The following GALNT17 variants were observed in gnomAD, a reference collection of about 807,000 sequenced individuals.
GALNT17 encodes the protein UDP-GalNAc:polypeptide N-acetylgalactosaminyltransferase-like 3.
Under a neutral mutation model 63.7 loss-of-function variants are expected in GALNT17, and 29 were observed. That is an observed-to-expected ratio of 0.46 (90% CI 0.34 to 0.62). The LOEUF (loss-of-function observed/expected upper bound fraction) is 0.62. Among genes scored for constraint, GALNT17 ranks in the 20% least tolerant of loss-of-function variants. GALNT17 has a pLI of 0.01. For missense variants in GALNT17, 603 were observed against 799.6 expected (o/e 0.75, Z 2.97); for synonymous variants, 305 against 318.3 (o/e 0.96, Z 0.45).
At chr7:71,225,790 AATTG>A (rs1429545467) in intron 1 of GALNT17, among the ~76,000 whole-genome samples, 3 of 152,218 alleles carry the variant, frequency 2.0e-5, no homozygotes, top group Admixed American at 1.3e-4. Flanking sequence ...AATAATGGGC[AATTG>A]ATTAAGTAAA....
intron 9 of GALNT17, among the ~76,000 whole-genome samples, chr7:71,682,630 G>A (rs938456784): frequency 6.6e-6 from 1 of 152,008 alleles, no homozygotes; most frequent in Non-Finnish European, 1.5e-5. Context: ...CTGCAGCCTT[G>A]ACCTCCTAGG....
At chr7:71,591,959 T>C (rs1264968269) in intron 6 of GALNT17, among the ~76,000 whole-genome samples, 1 of 152,222 alleles carries the variant, frequency 6.6e-6, no homozygotes, top group Non-Finnish European at 1.5e-5. Context: ...CACAGCACCC[T>C]GCCGAAATGT....
intron 1 of GALNT17, among the ~76,000 whole-genome samples, chr7:71,331,922 C>G (rs1426372327): frequency 2.0e-5 from 3 of 152,106 alleles, no homozygotes; most frequent in Admixed American, 2.0e-4. Context: ...GGGGTCAGTC[C>G]TTGTGCTGTT....
chr7:71,370,896 G>C (rs532902301), intron 2 of GALNT17, among the ~76,000 whole-genome samples: 26 of 151,470 alleles, frequency 1.7e-4, no homozygotes, highest in African/African-American at 6.4e-4. Flanking sequence ...ATGAACCACT[G>C]TGCCTCGTCT....
intron 8 of GALNT17, among the ~76,000 whole-genome samples, chr7:71,670,939 T>C (rs1034895796): frequency 7.2e-5 from 11 of 152,042 alleles, no homozygotes; most frequent in Non-Finnish European, 1.3e-4. Context: ...TATGTGTGCA[T>C]GTGTATATAC....
At chr7:71,152,821 C>CG (rs1175876222) in intron 1 of GALNT17, among the ~76,000 whole-genome samples, 4 of 151,772 alleles carry the variant, frequency 2.6e-5, no homozygotes, top group Admixed American at 2.0e-4. Flanking sequence ...TTAGTAGAGA[C>CG]GGGGTCTCAC....
chr7:71,340,711 TAAACC>T (rs1239695595), intron 2 of GALNT17, among the ~76,000 whole-genome samples: 2 of 152,174 alleles, frequency 1.3e-5, no homozygotes, highest in African/African-American at 4.8e-5. Context: ...GTTTTGTTTA[TAAACC>T]AAGAGCAAAT....
intron 6 of GALNT17, among the ~76,000 whole-genome samples, chr7:71,656,243 A>AT (rs1360719103): frequency 3.3e-5 from 5 of 152,172 alleles, no homozygotes; most frequent in Non-Finnish European, 5.9e-5. Flanking sequence ...GGATCATGCA[A>AT]TTACAACCGT....
At chr7:71,614,678 A>G (rs1790171840) in intron 6 of GALNT17, among the ~76,000 whole-genome samples, 1 of 151,436 alleles carries the variant, frequency 6.6e-6, no homozygotes, top group Non-Finnish European at 1.5e-5. Flanking sequence ...GGAAGGAAGG[A>G]TGGAAGGAAG....
chr7:71,224,094 G>T (rs1459306800), intron 1 of GALNT17, among the ~76,000 whole-genome samples: 3 of 152,098 alleles, frequency 2.0e-5, no homozygotes, highest in Non-Finnish European at 4.4e-5. Flanking sequence ...TATGTCTGTT[G>T]CCCAGGCTGG....
At chr7:71,535,474 T>A (rs759986211) in intron 5 of GALNT17, among the ~76,000 whole-genome samples, 1 of 152,128 alleles carries the variant, frequency 6.6e-6, no homozygotes. Flanking sequence ...AGATTAAATA[T>A]GTACAGAAAA....
chr7:71,522,756 C>T (rs1352866545), intron 5 of GALNT17, among the ~76,000 whole-genome samples: 2 of 152,174 alleles, frequency 1.3e-5, no homozygotes, highest in Non-Finnish European at 2.9e-5. Flanking sequence ...GCAACAGAAA[C>T]TGGATCTCTT....
Position 71,665,495 on chromosome 7 carries a change from A to C in GALNT17, c.1165A>C (p.Asn389His). Reference protein sequence around the residue: ...IERKKKPYNSNIGFYTKRNAL... With the variant: ...IERKKKPYNSHIGFYTKRNAL... ...GCGGAAGAAGAAGCCATATAATAGC[A>C]ACATTGGCTTCTACACCAAGAGGAA... The change falls in exon 7 of 11, where the codon AAC becomes CAC. Residue 389 changes from asparagine to histidine, a missense_variant. Asn to His is a moderately conservative substitution (Grantham distance 68). This residue lies in a region of GALNT17 where 336 missense variants were observed against 507.8 expected (regional missense o/e 0.66). Transcript: ENST00000333538. The C allele has an allele frequency of 6.2e-7, 1 of 1,613,890 alleles. No individual in the cohort carries two copies. Among genetic ancestry groups the C allele is most frequent in the Non-Finnish European group, 8.5e-7 (1 of 1,179,990 alleles).
intron 5 of GALNT17, among the ~76,000 whole-genome samples, chr7:71,546,094 A>G (rs1447726572): frequency 6.6e-6 from 1 of 151,718 alleles, no homozygotes; most frequent in Non-Finnish European, 1.5e-5. Context: ...ACCCTGTCTC[A>G]ACAACAACAA....
intron 6 of GALNT17, among the ~76,000 whole-genome samples, chr7:71,642,625 C>G (rs2117009218): frequency 6.6e-6 from 1 of 152,166 alleles, no homozygotes; most frequent in Middle Eastern, 3.4e-3. Context: ...CACTTGAGGT[C>G]AGGAATTCAG....
intron 1 of GALNT17, among the ~76,000 whole-genome samples, chr7:71,325,668 C>T (rs1791692794): frequency 6.6e-6 from 1 of 152,132 alleles, no homozygotes; most frequent in Admixed American, 6.5e-5. Flanking sequence ...CACCATCGAG[C>T]CTTCATAGCT....
chr7:71,137,382 A>G (rs954708323), intron 1 of GALNT17, among the ~76,000 whole-genome samples: 1 of 144,544 alleles, frequency 6.9e-6, no homozygotes, highest in Non-Finnish European at 1.5e-5. Context: ...CTCGTGATCC[A>G]CCCGCCTCGG....
chr7:71,166,641 T>C (rs1031633912), intron 1 of GALNT17, among the ~76,000 whole-genome samples: 4 of 152,216 alleles, frequency 2.6e-5, no homozygotes, highest in African/African-American at 9.6e-5. Flanking sequence ...TCTTTCACTC[T>C]GCATAATTGC....
intron 1 of GALNT17, among the ~76,000 whole-genome samples, chr7:71,148,592 A>C (rs1419778556): frequency 1.3e-5 from 2 of 152,114 alleles, no homozygotes; most frequent in Non-Finnish European, 2.9e-5. Context: ...ATTCCATTGA[A>C]TATTAAAATT....
Sources: gnomAD v4.1 joint callset for allele counts (sites outside exome capture counted in the v4.1 genomes callset) on GRCh38, gnomAD v4.1.1 for gene constraint, gnomAD v4.1.1 regional missense constraint, MANE v1.5 for transcripts, NCBI Gene and HGNC (gene_info 2026-07-23, HGNC 2026-07-21) for gene names.